The following INVS variants were observed in gnomAD, a reference collection of about 807,000 sequenced individuals.
The protein encoded by INVS is inversion of embryo turning homolog.
In INVS, 86 loss-of-function variants were observed where a neutral mutation model predicts 108.8. That is an observed-to-expected ratio of 0.79 (90% confidence interval 0.66 to 0.95). The LOEUF is 0.95. INVS is among the 40% of genes least tolerant of loss of function. INVS has a pLI of 0.00. For missense variants in INVS, 1,169 were observed against 1,297.4 expected (o/e 0.90, Z 1.52); for synonymous variants, 455 against 473.5 (o/e 0.96, Z 0.51).
chr9:100,190,388 G>A (rs2118152286), intron 3 of INVS, among the ~76,000 whole-genome samples: 1 of 151,746 alleles, frequency 6.6e-6, no homozygotes, highest in East Asian at 1.9e-4. Flanking sequence ...GAGATGTGAA[G>A]TACTATTTCA....
chr9:100,265,874 C>T (rs781115497), intron 11 of INVS, among the ~76,000 whole-genome samples: 2 of 152,126 alleles, frequency 1.3e-5, no homozygotes, highest in Non-Finnish European at 2.9e-5. Flanking sequence ...GTCAGGAGTT[C>T]GAAACCAGCC....
chr9:100,204,818 T>C (rs1830629682), intron 3 of INVS, among the ~76,000 whole-genome samples: 1 of 152,150 alleles, frequency 6.6e-6, no homozygotes, highest in African/African-American at 2.4e-5. Context: ...AATTTCTGTT[T>C]TTAAGGACTC....
intron 2 of INVS, among the ~76,000 whole-genome samples, chr9:100,121,194 A>G (rs1319528056): frequency 4.6e-5 from 7 of 152,178 alleles, no homozygotes; most frequent in South Asian, 2.1e-4. Flanking sequence ...GACTCACCTG[A>G]TTAGGTGAAA....
chr9:100,254,992 A>G (rs758686611), intron 10 of INVS, among the ~76,000 whole-genome samples: 1 of 152,184 alleles, frequency 6.6e-6, no homozygotes, highest in Non-Finnish European at 1.5e-5. Flanking sequence ...CATTGAATCT[A>G]TAAATTATGT....
At chr9:100,239,404 A>G (rs1023370695) in intron 5 of INVS, among the ~76,000 whole-genome samples, 2 of 152,212 alleles carry the variant, frequency 1.3e-5, no homozygotes, top group Non-Finnish European at 1.5e-5. Context: ...ACACATACAA[A>G]ATTTATATAT....
At chr9:100,216,353 A>G (rs921824383) in intron 3 of INVS, among the ~76,000 whole-genome samples, 9 of 152,292 alleles carry the variant, frequency 5.9e-5, no homozygotes, top group Admixed American at 5.9e-4. Flanking sequence ...TGGAGCTGTC[A>G]TTGAGGTTGG....
At chr9:100,258,926 C>G (rs1181238196) in intron 10 of INVS, among the ~76,000 whole-genome samples, 1 of 152,196 alleles carries the variant, frequency 6.6e-6, no homozygotes, top group South Asian at 2.1e-4. Context: ...CTGGGAGAAC[C>G]ACTACTCTCT....
Position 100,292,537 on chromosome 9 carries a change from C to T in INVS, c.2280C>T (p.Ser760=). The change falls in exon 14 of 17, where the codon TCC becomes TCT. Residue 760 remains serine, a synonymous_variant. Transcript: ENST00000262457. ...VAGPDEKGED[S]RRAAASLPPH... ...GGCCTGATGAGAAAGGAGAGGACTC[C>T]AGGCGGGCAGCTGCAAGCCTTCCAC... is the stretch of plus-strand genomic sequence containing the variant. The T allele has an allele frequency of 1.2e-6, 2 of 1,614,136 alleles. No homozygotes were observed. Among genetic ancestry groups the T allele is most frequent in the Non-Finnish European group, 1.7e-6 (2 of 1,180,034 alleles).
At chr9:100,100,972 ATT>A (rs1491550163) in intron 1 of INVS, among the ~76,000 whole-genome samples, 7 of 68,404 alleles carry the variant, frequency 1.0e-4, no homozygotes, top group African/African-American at 5.6e-4. Context: ...TATAATATAT[ATT>A]ATATATATAA....
chr9:100,217,583 C>T (rs767728369), intron 3 of INVS, among the ~76,000 whole-genome samples: 1 of 152,182 alleles, frequency 6.6e-6, no homozygotes, highest in Non-Finnish European at 1.5e-5. Context: ...GGGCCCAGCA[C>T]ACAGTGGGTT....
chr9:100,155,767 G>C (rs1452259621), intron 3 of INVS, among the ~76,000 whole-genome samples: 1 of 152,206 alleles, frequency 6.6e-6, no homozygotes, highest in Non-Finnish European at 1.5e-5. Flanking sequence ...TACTGTTACT[G>C]TTATCTTGAC....
At chr9:100,209,002 C>T (rs1462529168) in intron 3 of INVS, among the ~76,000 whole-genome samples, 1 of 152,078 alleles carries the variant, frequency 6.6e-6, no homozygotes, top group Non-Finnish European at 1.5e-5. Context: ...AACTTGCTCA[C>T]AGTTATTAAT....
At chr9:100,285,062 C>A (rs1055421669) in intron 13 of INVS, among the ~76,000 whole-genome samples, 1 of 152,172 alleles carries the variant, frequency 6.6e-6, no homozygotes, top group South Asian at 2.1e-4. Context: ...ATTCTTGTAT[C>A]ATTTCCTTTC....
At chr9:100,170,383 C>T (rs1829497447) in intron 3 of INVS, among the ~76,000 whole-genome samples, 2 of 115,662 alleles carry the variant, frequency 1.7e-5, no homozygotes, top group South Asian at 6.7e-4. Context: ...ATAGTGAGAC[C>T]CTGTCTGTAC....
chr9:100,246,768 T>G lies in INVS; in HGVS notation c.1059T>G (p.Ala353=), dbSNP rs764198130. The change falls in exon 8 of 17, where the codon GCT becomes GCG. Residue 353 remains alanine, a synonymous_variant. Transcript: ENST00000262457. ...SLKSDIDINM[A]DKYGGTALHA... is the part of the protein sequence containing the mutation. ...AATCGGACATAGATATTAACATGGC[T>G]GACAAATATGGAGGTACAGGTGAGA... 47 of 1,613,956 alleles carry G rather than the reference T, an allele frequency of 2.9e-5. No homozygotes were observed. The highest frequency in any genetic ancestry group is 1.6e-4 in the Middle Eastern group (1 of 6,082).
In INVS at chr9:100,246,740, T is replaced by G; in HGVS notation, c.1031T>G (p.Leu344Ter). The change falls in exon 8 of 17, where the codon TTA becomes TGA. Residue 344 changes from leucine (L) to a stop codon, truncating the protein, a stop_gained. Coordinates refer to ENST00000262457, the MANE Select transcript of INVS (RefSeq NM_014425.5). LOFTEE classifies it high-confidence loss of function. ...GATGTCCTTAGAACTATGCTGAGCT[T>G]AAAATCGGACATAGATATTAACATG... is the stretch of plus-strand genomic sequence containing the variant. ...SDDVLRTMLS[L>*]KSDIDINMAD... 1 of 1,614,034 alleles carries G rather than the reference T, an allele frequency of 6.2e-7. No homozygotes were observed. The highest frequency in any genetic ancestry group is 8.5e-7 in the Non-Finnish European group (1 of 1,179,900).
intron 1 of INVS, chr9:100,102,549 T>A (rs1417241884): frequency 6.6e-6 from 1 of 152,180 alleles, no homozygotes; most frequent in African/African-American, 2.4e-5. Flanking sequence ...ACCTTTTAAT[T>A]TAGTATTTAG....
At chr9:100,256,059 TGGTA>T (rs1018626949) in intron 10 of INVS, among the ~76,000 whole-genome samples, 1 of 152,168 alleles carries the variant, frequency 6.6e-6, no homozygotes, top group Non-Finnish European at 1.5e-5. Context: ...ATTTTTTGGT[TGGTA>T]GGCTATTAAT....
At chr9:100,100,243 A>G (rs949698359) in intron 1 of INVS, among the ~76,000 whole-genome samples, 5 of 151,970 alleles carry the variant, frequency 3.3e-5, no homozygotes, top group African/African-American at 1.2e-4. Flanking sequence ...TTAAGAAAAA[A>G]AAAGAGCCCT....
Sources: gnomAD v4.1 joint callset for allele counts (sites outside exome capture counted in the v4.1 genomes callset) on GRCh38, gnomAD v4.1.1 for gene constraint, MANE v1.5 for transcripts, NCBI Gene and HGNC (gene_info 2026-07-23, HGNC 2026-07-21) for gene names.